The following SPTLC2 variants were observed in gnomAD, a reference collection of about 807,000 sequenced individuals.
SPTLC2 encodes serine palmitoyltransferase long chain base subunit 2.
A neutral mutation model predicts 62.0 loss-of-function variants in SPTLC2; 21 were observed. The ratio of observed to expected loss-of-function variants is 0.34; its 90% CI spans 0.24 to 0.49. The LOEUF (loss-of-function observed/expected upper bound fraction) is 0.49, where lower values mean the gene tolerates loss of function less well. Among genes scored for constraint, SPTLC2 ranks in the 20% least tolerant of loss-of-function variants. The pLI, the probability that SPTLC2 is intolerant of heterozygous loss-of-function variation, is 0.99. For missense variants in SPTLC2, 511 were observed against 713.0 expected (o/e 0.72, Z 3.23); for synonymous variants, 261 against 261.8 (o/e 1.00, Z 0.03).
intron 9 of SPTLC2, among the ~76,000 whole-genome samples, chr14:77,535,398 T>C (rs765284989): frequency 5.3e-5 from 8 of 151,994 alleles, no homozygotes; most frequent in Admixed American, 2.6e-4. Context: ...GAGAAGGCCT[T>C]TGGGGAGGGT....
intron 9 of SPTLC2, among the ~76,000 whole-genome samples, chr14:77,548,083 C>G (rs28737290): frequency 0.029 from 4,413 of 152,028 alleles, 192 homozygotes; most frequent in African/African-American, 0.1. Context: ...TGCAAGGACC[C>G]AGTTCCTTTC....
rs1036506242 is a variant in SPTLC2 at position 77,530,756 on chromosome 14, C to G, written c.1304-9175G>C. 2.6e-5 allele frequency among the ~76,000 whole-genome samples: 4 copies of G among 152,302 alleles called. No individual in the cohort carries two copies. The East Asian group carries it at 7.7e-4, about 29-fold the overall frequency. ...ATATCTTAAAATAGAGAAACCAAGA[C>G]TTGACTCCCTGGTTCTTCTGGTTTC... On this transcript the variant is annotated intron_variant, in intron 9 of 11. Coordinates refer to ENST00000216484, the MANE Select transcript of SPTLC2 (RefSeq NM_004863.4).
Position 77,531,474 on chromosome 14 carries a change from C to T in SPTLC2, c.1304-9893G>A, listed in dbSNP as rs1419231169. Among the ~76,000 whole-genome samples, 6 of 99,122 alleles carry T rather than the reference C, an allele frequency of 6.1e-5. 2 individuals carry two copies. Among genetic ancestry groups the T allele is most frequent in the African/African-American group, 2.7e-4 (6 of 21,822 alleles). 65.0% of individuals were successfully genotyped at this position (99,122 alleles called of 152,430 possible). ...CCTTCTCCTCCTCCTCCTCCTCCTC[C>T]CCCTCCCCCTCCTCCTCCTCCTCCT... On this transcript the variant is annotated intron_variant, in intron 9 of 11. Transcript: ENST00000216484.
chr14:77,588,732 G>A (rs2079797193), intron 2 of SPTLC2, among the ~76,000 whole-genome samples: 1 of 151,542 alleles, frequency 6.6e-6, no homozygotes, highest in South Asian at 2.1e-4. Context: ...CAGGCACAGT[G>A]GCTCATGCCT....
intron 9 of SPTLC2, among the ~76,000 whole-genome samples, chr14:77,533,088 C>T (rs919661340): frequency 1.3e-5 from 2 of 151,910 alleles, no homozygotes; most frequent in African/African-American, 4.8e-5. Context: ...ACCTGCGGTT[C>T]GGAGTTTGAG....
chr14:77,591,339 A>G (rs1445098725), intron 2 of SPTLC2, among the ~76,000 whole-genome samples: 1 of 152,190 alleles, frequency 6.6e-6, no homozygotes, highest in East Asian at 1.9e-4. Context: ...GTGGATGAGG[A>G]AGGAGTGACT....
chr14:77,564,544 AAC>A (rs2079634452), intron 5 of SPTLC2, among the ~76,000 whole-genome samples: 1 of 151,892 alleles, frequency 6.6e-6, no homozygotes, highest in African/African-American at 2.4e-5. Context: ...TTCAGCAATA[AAC>A]ACACCTAGTT....
chr14:77,537,166 C>CCT (rs1174106898), intron 9 of SPTLC2, among the ~76,000 whole-genome samples: 1 of 152,066 alleles, frequency 6.6e-6, no homozygotes, highest in Admixed American at 6.6e-5. Context: ...GATCTACCCG[C>CCT]CTCTGCCTCA....
chr14:77,596,561 G>T (rs560744705), intron 2 of SPTLC2, among the ~76,000 whole-genome samples: 1 of 152,062 alleles, frequency 6.6e-6, no homozygotes, highest in Non-Finnish European at 1.5e-5. Flanking sequence ...AAAGGAACAT[G>T]CAGAGAAAAG....
Position 77,593,659 on chromosome 14 carries a change from C to T in SPTLC2, c.327+3527G>A, listed in dbSNP as rs140641845. On this transcript the variant is annotated intron_variant, in intron 2 of 11. Coordinates refer to ENST00000216484, the MANE Select transcript of SPTLC2 (RefSeq NM_004863.4). The stretch of plus-strand genomic sequence containing the variant: ...ATTTAGTTGTATTCAAAGCAACATA[C>T]GGTATTTCCTTACATCAAAGAATTA... Among the ~76,000 whole-genome samples, 373 of 152,248 alleles carry T rather than the reference C, an allele frequency of 2.4e-3. 2 individuals are homozygous for T. Among genetic ancestry groups the T allele is most frequent in the African/African-American group, 8.4e-3 (350 of 41,558 alleles).
intron 9 of SPTLC2, 103 bp downstream of exon 9, chr14:77,551,993 A>G: frequency 6.6e-7 from 1 of 1,519,944 alleles, no homozygotes; most frequent in Non-Finnish European, 8.9e-7. Flanking sequence ...AGCTCTGCCT[A>G]TTAGTAAACC....
chr14:77,570,336 AAAG>A (rs747901900), intron 5 of SPTLC2, 45 bp downstream of exon 5: 29 of 1,607,450 alleles, frequency 1.8e-5, no homozygotes, highest in South Asian at 8.8e-5. Context: ...TTTCAAAACA[AAAG>A]AAGATATACA....
intron 1 of SPTLC2, among the ~76,000 whole-genome samples, chr14:77,611,903 A>G (rs1371443215): frequency 6.6e-6 from 1 of 151,982 alleles, no homozygotes; most frequent in Non-Finnish European, 1.5e-5. Flanking sequence ...TTCTATAATG[A>G]GAAGTAAAAA....
In SPTLC2 at chr14:77,533,976, T is replaced by C. The variant is rs543217479; in HGVS notation, c.1304-12395A>G. On this transcript the variant is annotated intron_variant, in intron 9 of 11. Coordinates refer to ENST00000216484, the MANE Select transcript of SPTLC2 (RefSeq NM_004863.4). ...GAGTTCAAGACCAGCCTGGGCAACA[T>C]GGCAAAACCCCGTCTTTACAAAAAA... is the stretch of plus-strand genomic sequence containing the variant. 7.9e-5 allele frequency among the ~76,000 whole-genome samples: 12 copies of C among 152,156 alleles called. 1 individual carries two copies. In the South Asian group the frequency reaches 2.1e-3, roughly 26 times the overall value.
At chr14:77,542,063 G>GAAAAA (rs11402118) in intron 9 of SPTLC2, among the ~76,000 whole-genome samples, 168 of 120,436 alleles carry the variant, frequency 1.4e-3, no homozygotes, top group African/African-American at 3.1e-3. Flanking sequence ...TCTGTGTCCG[G>GAAAAA]AAAAAAAAAA....
At chr14:77,592,685 T>C (rs1273097132) in intron 2 of SPTLC2, among the ~76,000 whole-genome samples, 1 of 152,118 alleles carries the variant, frequency 6.6e-6, no homozygotes, top group Non-Finnish European at 1.5e-5. Context: ...TTGTACAGAT[T>C]ATTTTGTCAC....
At position 77,591,730 on chromosome 14, in the gene SPTLC2, G is replaced by GTATGTATGTATGTATGTATTTATT. The variant is rs372095112; in HGVS notation, c.327+5455_327+5456insAATAAATACATACATACATACATA. Among the ~76,000 whole-genome samples, 861 of 131,244 alleles carry GTATGTATGTATGTATGTATTTATT rather than the reference G, an allele frequency of 6.6e-3. 4 individuals carry two copies. Among genetic ancestry groups the GTATGTATGTATGTATGTATTTATT allele is most frequent in the South Asian group, 0.021 (80 of 3,896 alleles). 86.1% of individuals were successfully genotyped at this position (131,244 alleles called of 152,430 possible). A position where few individuals can be genotyped will look rare whatever the true frequency, so the allele number is the denominator to read the frequency against. On this transcript the variant is annotated intron_variant, in intron 2 of 11. Coordinates refer to ENST00000216484, the MANE Select transcript of SPTLC2 (RefSeq NM_004863.4). Reference sequence around the variant, plus strand: ...TGTATGTATGTATGTATGTATGTATGTATTTATTTTTAGACGGAGTTTCTC... The same window carrying GTATGTATGTATGTATGTATTTATT: ...TGTATGTATGTATGTATGTATGTATGTATGTATGTATGTATGTATTTATTTATTTATTTTTAGACGGAGTTTCTC...
At chr14:77,546,683 C>T (rs2079529786) in intron 9 of SPTLC2, among the ~76,000 whole-genome samples, 1 of 152,144 alleles carries the variant, frequency 6.6e-6, no homozygotes, top group South Asian at 2.1e-4. Context: ...GCATATCTAC[C>T]ACTATGTAGA....
chr14:77,531,138 C>A (rs780055573), intron 9 of SPTLC2, among the ~76,000 whole-genome samples: 4 of 152,160 alleles, frequency 2.6e-5, no homozygotes, highest in Non-Finnish European at 4.4e-5. Context: ...AAAGAGGGCA[C>A]CCTGCAAAAT....
Sources: gnomAD v4.1 joint callset for allele counts (sites outside exome capture counted in the v4.1 genomes callset) on GRCh38, gnomAD v4.1.1 for gene constraint, MANE v1.5 for transcripts, NCBI Gene and HGNC (gene_info 2026-07-23, HGNC 2026-07-21) for gene names.